Variants in KIRREL3 observed in about 807,000 individuals in gnomAD.
KIRREL3 encodes the protein kin of IRRE-like protein 3.
Under a neutral mutation model 89.7 loss-of-function variants are expected in KIRREL3, and 36 were observed. The ratio of observed to expected loss-of-function variants is 0.40; its 90% CI spans 0.31 to 0.53. The LOEUF (loss-of-function observed/expected upper bound fraction) is 0.53. Among genes scored for constraint, KIRREL3 ranks in the 20% least tolerant of loss-of-function variants. KIRREL3 has a pLI of 0.49. For synonymous variants in KIRREL3, 445 were observed against 441.4 expected (o/e 1.01, Z -0.10); for missense variants, 864 against 1,056.6 (o/e 0.82, Z 2.53).
Position 126,697,748 on chromosome 11 carries a change from G to C in KIRREL3, c.56-134836C>G, listed in dbSNP as rs1057410025. Among the ~76,000 whole-genome samples the C allele has an allele frequency of 1.3e-5, 2 of 152,216 alleles. No individual in the cohort carries two copies. Among genetic ancestry groups the C allele is most frequent in the African/African-American group, 4.8e-5 (2 of 41,442 alleles). On this transcript the variant is annotated intron_variant, in intron 1 of 16. Coordinates refer to ENST00000525144, the MANE Select transcript of KIRREL3 (RefSeq NM_032531.4). The surrounding 1 kb of genome is among the most constrained non-coding windows in gnomAD (Gnocchi z 4.2). ...ACTCAGCTTCTCCCGGGGCCTCCGG[G>C]TGGGTCCCATGATTGCTCTGATCAC...
At chr11:126,779,021 T>G (rs1481444708) in intron 1 of KIRREL3, among the ~76,000 whole-genome samples, 2 of 152,230 alleles carry the variant, frequency 1.3e-5, no homozygotes, top group Non-Finnish European at 2.9e-5. Flanking sequence ...CCAGAATTGC[T>G]GCTGTGCTTA....
rs573331750 is a variant in KIRREL3 at position 126,668,626 on chromosome 11, T to C, written c.56-105714A>G. 6.6e-6 allele frequency among the ~76,000 whole-genome samples: 1 copy of C among 152,286 alleles called. No homozygotes were observed. Among genetic ancestry groups the C allele is most frequent in the African/African-American group, 2.4e-5 (1 of 41,562 alleles). ...TAGGATGACAGAGAGGCCCCCCTTC[T>C]CGGTTTTCTCAGATAGCATGCCATT... On this transcript the variant is annotated intron_variant, in intron 1 of 16. Transcript: ENST00000525144. This position sits in a 1 kb window ranked among gnomAD's most constrained non-coding sequence, Gnocchi z 4.4.
intron 1 of KIRREL3, among the ~76,000 whole-genome samples, chr11:126,663,765 A>G (rs2135026195): frequency 6.6e-6 from 1 of 152,334 alleles, no homozygotes; most frequent in Admixed American, 6.5e-5. Flanking sequence ...TACAGATTTC[A>G]TCTGAGGGAC....
rs914517489 is a variant in KIRREL3 at position 126,773,525 on chromosome 11, G to T, written c.56-210613C>A. Among the ~76,000 whole-genome samples the T allele has an allele frequency of 6.6e-6, 1 of 152,172 alleles. No individual in the cohort carries two copies. Among genetic ancestry groups the T allele is most frequent in the African/African-American group, 2.4e-5 (1 of 41,426 alleles). On this transcript the variant is annotated intron_variant, in intron 1 of 16. Transcript: ENST00000525144. This position sits in a 1 kb window ranked among gnomAD's most constrained non-coding sequence, Gnocchi z 4.2. ...CTTTCTCTATATATCGCTTCCTGTT[G>T]GTTCTGTTTCTCTGGAGAATCCTGA...
In KIRREL3 at chr11:126,477,344, G is replaced by T. The variant is rs1296170283; in HGVS notation, c.434-3878C>A. Among the ~76,000 whole-genome samples, 1 of 152,190 alleles carries T rather than the reference G, an allele frequency of 6.6e-6. No homozygotes were observed. The highest frequency in any genetic ancestry group is 2.4e-5 in the African/African-American group (1 of 41,442). ...TGCCTTGTTTGGGTGGGCGGTGGGG[G>T]TACCCGTCCCTTTCCCTGTGTGTGG... On this transcript the variant is annotated intron_variant, in intron 4 of 16. Coordinates refer to ENST00000525144, the MANE Select transcript of KIRREL3 (RefSeq NM_032531.4). The surrounding 1 kb of genome is among the most constrained non-coding windows in gnomAD (Gnocchi z 4.8).
chr11:126,680,894 G>C (rs918753941), intron 1 of KIRREL3, among the ~76,000 whole-genome samples: 5 of 152,088 alleles, frequency 3.3e-5, no homozygotes, highest in Non-Finnish European at 7.4e-5. Context: ...TCAGCAGCAC[G>C]ACCTAACAGG....
intron 1 of KIRREL3, among the ~76,000 whole-genome samples, chr11:126,929,388 G>C (rs530474764): frequency 1.3e-5 from 2 of 152,248 alleles, no homozygotes; most frequent in East Asian, 1.9e-4. Flanking sequence ...CAGGAAGAGA[G>C]GCAGGAGACT....
In KIRREL3 at chr11:126,537,464, T is replaced by C. The variant is rs1276077857; in HGVS notation, c.134-10777A>G. Among the ~76,000 whole-genome samples, 2 of 152,014 alleles carry C rather than the reference T, an allele frequency of 1.3e-5. No homozygotes were observed. The highest frequency in any genetic ancestry group is 2.9e-5 in the Non-Finnish European group (2 of 67,990). Reference sequence around the variant, plus strand: ...GCATCCTGGAGGAGGAATCATAATATGGGGAAAGTAATGGAGGAGAAATGT... The same window carrying C: ...GCATCCTGGAGGAGGAATCATAATACGGGGAAAGTAATGGAGGAGAAATGT... On this transcript the variant is annotated intron_variant, in intron 2 of 16. Coordinates refer to ENST00000525144, the MANE Select transcript of KIRREL3 (RefSeq NM_032531.4). This position sits in a 1 kb window ranked among gnomAD's most constrained non-coding sequence, Gnocchi z 4.3.
At position 126,724,074 on chromosome 11, in the gene KIRREL3, G is replaced by T. The variant is rs1948281715; in HGVS notation, c.56-161162C>A. On this transcript the variant is annotated intron_variant, in intron 1 of 16. Transcript: ENST00000525144. This position sits in a 1 kb window ranked among gnomAD's most constrained non-coding sequence, Gnocchi z 4.3. Reference sequence around the variant, plus strand: ...CATTTGAGCCTTTTTGTCTTGCTTGGCTCTTTGTCAAAACCAAGTCTCCTT... The same window carrying T: ...CATTTGAGCCTTTTTGTCTTGCTTGTCTCTTTGTCAAAACCAAGTCTCCTT... Among the ~76,000 whole-genome samples the T allele has an allele frequency of 6.6e-6, 1 of 152,110 alleles. No homozygotes were observed. Among genetic ancestry groups the T allele is most frequent in the Non-Finnish European group, 1.5e-5 (1 of 68,012 alleles).
chr11:126,437,265 T>C (rs1358714240), intron 11 of KIRREL3, among the ~76,000 whole-genome samples: 1 of 152,118 alleles, frequency 6.6e-6, no homozygotes, highest in Non-Finnish European at 1.5e-5. Flanking sequence ...GGTACACGTG[T>C]GCACACACAA....
rs147758143 is a variant in KIRREL3, at chr11:126,541,197, G to C, written c.134-14510C>G. ...CTTGCTCCCATGTCTAAGGGGTACT[G>C]TATGGACACATGAAGCTTTGTCCTT... is the stretch of plus-strand genomic sequence containing the variant. On this transcript the variant is annotated intron_variant, in intron 2 of 16. Coordinates refer to ENST00000525144, the MANE Select transcript of KIRREL3 (RefSeq NM_032531.4). This position sits in a 1 kb window ranked among gnomAD's most constrained non-coding sequence, Gnocchi z 4.8. Among the ~76,000 whole-genome samples, 3 of 152,312 alleles carry C rather than the reference G, an allele frequency of 2.0e-5. No individual in the cohort carries two copies. The South Asian group carries it at 6.2e-4, about 32-fold the overall frequency.
At chr11:126,447,176 G>T (rs1213006836) in intron 8 of KIRREL3, among the ~76,000 whole-genome samples, 1 of 152,216 alleles carries the variant, frequency 6.6e-6, no homozygotes, top group East Asian at 1.9e-4. Context: ...TGGGGACCAG[G>T]TTCTGCCTGG....
chr11:126,634,396 C>A (rs980013509), intron 1 of KIRREL3, among the ~76,000 whole-genome samples: 1 of 152,202 alleles, frequency 6.6e-6, no homozygotes. Flanking sequence ...GAGCCAGGAG[C>A]CTGTGCTCAT....
At chr11:126,973,844 G>T (rs1439140738) in intron 1 of KIRREL3, among the ~76,000 whole-genome samples, 1 of 152,080 alleles carries the variant, frequency 6.6e-6, no homozygotes, top group African/African-American at 2.4e-5. Context: ...ATTTATTGTT[G>T]CTCCCACTGT....
At position 126,428,799 on chromosome 11, in the gene KIRREL3, A is replaced by G. The variant is rs979149189; in HGVS notation, c.1806+380T>C. ...GTAGCTGGGATTACAGGCGCCCGCC[A>G]CCACGCCCAGCTAATTTTTGTATTT... On this transcript the variant is annotated intron_variant, in intron 15 of 16. Transcript: ENST00000525144. This position sits in a 1 kb window ranked among gnomAD's most constrained non-coding sequence, Gnocchi z 6.4. 1.8e-4 allele frequency among the ~76,000 whole-genome samples: 28 copies of G among 152,230 alleles called. No individual in the cohort carries two copies. Among genetic ancestry groups the G allele is most frequent in the African/African-American group, 6.5e-4 (27 of 41,520 alleles).
intron 1 of KIRREL3, among the ~76,000 whole-genome samples, chr11:126,600,342 G>A (rs925749930): frequency 6.6e-6 from 1 of 152,244 alleles, no homozygotes; most frequent in African/African-American, 2.4e-5. Context: ...CCTTGAAGCA[G>A]AGGGCCCATC....
chr11:126,884,659 C>T (rs1027949987), intron 1 of KIRREL3, among the ~76,000 whole-genome samples: 3 of 152,056 alleles, frequency 2.0e-5, no homozygotes, highest in Admixed American at 6.5e-5. Context: ...AAGCAAGGAT[C>T]GTGACCCAGG....
At position 126,551,889 on chromosome 11, in the gene KIRREL3, A is replaced by G. The variant is rs1377939965; in HGVS notation, c.133+10946T>C. The stretch of plus-strand genomic sequence containing the variant: ...TTGAACTCCTGACCTCAGGTGATCC[A>G]CCCGCCTTGGCCTCCCAAAGTGCTG... On this transcript the variant is annotated intron_variant, in intron 2 of 16. Coordinates refer to ENST00000525144, the MANE Select transcript of KIRREL3 (RefSeq NM_032531.4). This position sits in a 1 kb window ranked among gnomAD's most constrained non-coding sequence, Gnocchi z 4.9. Among the ~76,000 whole-genome samples the G allele has an allele frequency of 6.6e-6, 1 of 152,044 alleles. No homozygotes were observed. Among genetic ancestry groups the G allele is most frequent in the Admixed American group, 6.5e-5 (1 of 15,272 alleles).
At chr11:126,465,928 C>T (rs1370713395) in intron 5 of KIRREL3, among the ~76,000 whole-genome samples, 8 of 152,232 alleles carry the variant, frequency 5.3e-5, no homozygotes, top group East Asian at 3.9e-4. Context: ...GGGTAGGGCG[C>T]GCAGGGGCGG....
Sources: gnomAD v4.1 joint callset for allele counts (sites outside exome capture counted in the v4.1 genomes callset) on GRCh38, gnomAD v4.1.1 for gene constraint, Gnocchi (gnomAD v3.1) non-coding constraint, MANE v1.5 for transcripts, NCBI Gene and HGNC (gene_info 2026-07-23, HGNC 2026-07-21) for gene names.